SKIC8: variants seen among roughly 807,000 people sequenced by gnomAD.
SKIC8 encodes SKI8 subunit of superkiller complex.
the SKIC8 span, chr15:78,288,714 A>G: frequency 2.8e-6 from 1 of 362,400 alleles, no homozygotes; most frequent in East Asian, 6.7e-5. Flanking sequence ...TTAAGGTATT[A>G]TTTCCCTATC....
the SKIC8 span, chr15:78,288,242 A>T: frequency 6.3e-7 from 1 of 1,596,068 alleles, no homozygotes. Context: ...CAATAAAGGG[A>T]CAAGATGGGC....
the SKIC8 span, chr15:78,283,400 TC>T: frequency 6.4e-7 from 1 of 1,551,286 alleles, no homozygotes; most frequent in East Asian, 2.2e-5. Flanking sequence ...CCGTACATTC[TC>T]TTTGCAGCAT....
the SKIC8 span, among the ~76,000 whole-genome samples, chr15:78,298,000 G>C: frequency 6.6e-6 from 1 of 152,190 alleles, no homozygotes; most frequent in Non-Finnish European, 1.5e-5. Context: ...CGATCCTCTT[G>C]TCTTGGCCTT....
chr15:78,292,769 G>C, the SKIC8 span: 1 of 1,613,866 alleles, frequency 6.2e-7, no homozygotes, highest in Non-Finnish European at 8.5e-7. Context: ...CTCCACTGTA[G>C]GTCCAGCCTC....
At chr15:78,294,068 T>A in the SKIC8 span, among the ~76,000 whole-genome samples, 1 of 152,198 alleles carries the variant, frequency 6.6e-6, no homozygotes, top group Non-Finnish European at 1.5e-5. Flanking sequence ...TTAAAACAGC[T>A]GTGCACCACA....
chr15:78,294,792 C>T, the SKIC8 span: 5 of 589,304 alleles, frequency 8.5e-6, no homozygotes, highest in South Asian at 6.3e-5. Context: ...TTGTTGTTGT[C>T]TGTTTTTTAA....
the SKIC8 span, chr15:78,288,859 C>T: frequency 2.3e-6 from 1 of 426,610 alleles, no homozygotes; most frequent in South Asian, 1.7e-5. Context: ...TCTTTAGCTA[C>T]CCAGTCCTCC....
the SKIC8 span, chr15:78,284,285 A>G: frequency 6.6e-6 from 1 of 152,202 alleles, no homozygotes; most frequent in Admixed American, 6.5e-5. Flanking sequence ...ACAGCTAGCC[A>G]GGACTTACTC....
chr15:78,293,088 G>A, the SKIC8 span: 20 of 1,268,096 alleles, frequency 1.6e-5, no homozygotes, highest in African/African-American at 7.5e-5. Flanking sequence ...AGTATTTCCC[G>A]GACTGCAACT....
At chr15:78,288,933 A>T in the SKIC8 span, 1 of 452,458 alleles carries the variant, frequency 2.2e-6, no homozygotes, top group Non-Finnish European at 4.4e-6. Context: ...AATTATCAAC[A>T]AAAAGTTGTT....
chr15:78,295,507 A>G, the SKIC8 span: 2 of 797,110 alleles, frequency 2.5e-6, no homozygotes, highest in Non-Finnish European at 4.3e-6. Flanking sequence ...TTTGCATTTC[A>G]CTAGTCCCAC....
At chr15:78,292,282 C>T in the SKIC8 span, 1 of 272,960 alleles carries the variant, frequency 3.7e-6, no homozygotes, top group Non-Finnish European at 7.2e-6. Flanking sequence ...GTTTTGAAAT[C>T]CAAAAAGCTC....
At chr15:78,288,392 A>G in the SKIC8 span, 10 of 1,613,122 alleles carry the variant, frequency 6.2e-6, no homozygotes, top group South Asian at 1.1e-4. Context: ...CCTGAAATTC[A>G]TAAAGGCCCT....
chr15:78,292,508 CCCTCT>C, the SKIC8 span: 3 of 1,318,306 alleles, frequency 2.3e-6, no homozygotes, highest in Admixed American at 1.9e-5. Context: ...ACATTATCAC[CCCTCT>C]CAAATCCAAA....
the SKIC8 span, among the ~76,000 whole-genome samples, chr15:78,296,514 G>A: frequency 2.0e-5 from 3 of 151,926 alleles, no homozygotes; most frequent in African/African-American, 7.3e-5. Context: ...CCCCTTTGGC[G>A]GACTTTTTTT....
the SKIC8 span, chr15:78,283,453 G>A: frequency 3.7e-5 from 59 of 1,613,552 alleles, no homozygotes; most frequent in Non-Finnish European, 4.7e-5. Context: ...AATCATAGAT[G>A]TGAATTTCCT....
At chr15:78,293,676 C>T in the SKIC8 span, among the ~76,000 whole-genome samples, 11 of 152,214 alleles carry the variant, frequency 7.2e-5, no homozygotes, top group African/African-American at 2.7e-4. Flanking sequence ...AACAAGCAGG[C>T]AGTTCAATTC....
chr15:78,284,821 A>T, the SKIC8 span: 21 of 143,816 alleles, frequency 1.5e-4, no homozygotes, highest in South Asian at 3.7e-3. Context: ...CTACTATATT[A>T]AAAAAAAAAA....
the SKIC8 span, among the ~76,000 whole-genome samples, chr15:78,298,054 T>C: frequency 1.3e-5 from 2 of 152,196 alleles, no homozygotes; most frequent in East Asian, 1.9e-4. Flanking sequence ...GTTTTATTCA[T>C]TTGTGACCCA....
Sources: gnomAD v4.1 joint callset for allele counts (sites outside exome capture counted in the v4.1 genomes callset) on GRCh38, gnomAD v4.1.1 for gene constraint, MANE v1.5 for transcripts, NCBI Gene and HGNC (gene_info 2026-07-23, HGNC 2026-07-21) for gene names.